The following CHERP variants were observed in gnomAD, a reference collection of about 807,000 sequenced individuals.
The protein encoded by CHERP is calcium homeostasis endoplasmic reticulum protein.
A neutral mutation model predicts 113.8 loss-of-function variants in CHERP; 8 were observed. The ratio of observed to expected loss-of-function variants is 0.07; its 90% CI spans 0.04 to 0.13. The LOEUF (loss-of-function observed/expected upper bound fraction) is 0.13, where lower values mean the gene tolerates loss of function less well. Ranked by LOEUF, CHERP falls within the 10% of genes least tolerant of loss-of-function variation. The pLI, the probability that CHERP is intolerant of heterozygous loss-of-function variation, is 1.00. For synonymous variants in CHERP, 559 were observed against 524.5 expected, an observed-to-expected ratio of 1.07 and a Z score of -0.90; for missense variants, 884 against 1,298.2, an observed-to-expected ratio of 0.68 and a Z score of 4.90.
intron 2 of CHERP, chr19:16,541,650 A>T: frequency 2.0e-6 from 1 of 502,890 alleles, no homozygotes; most frequent in Non-Finnish European, 3.5e-6. Flanking sequence ...TCCAGAGCCC[A>T]GGGGGGAGGA....
Position 16,525,266 on chromosome 19 carries a change from A to G in CHERP, c.1717T>C (p.Tyr573His), listed in dbSNP as rs2085649259. 7.0e-7 allele frequency: 1 copy of G among 1,432,056 alleles called. No individual in the cohort carries two copies. The highest frequency in any genetic ancestry group is 9.2e-7 in the Non-Finnish European group (1 of 1,090,998). 88.7% of individuals were successfully genotyped at this position (1,432,056 alleles called of 1,614,324 possible). ...ERPPYPHRFD[Y>H]PQGDFPAEMG... ...CCGGCAGGGAAGTCCCCCTGGGGGTAGTCGAAGCGGTGGGGATAGGGCGGC... is the reference window on the plus strand; with the variant it reads ...CCGGCAGGGAAGTCCCCCTGGGGGTGGTCGAAGCGGTGGGGATAGGGCGGC... The change falls in exon 10 of 17, where the codon TAC becomes CAC. Residue 573 changes from tyrosine (Y) to histidine (H), a missense_variant. Transcript: ENST00000546361. This position sits in a 1 kb window ranked among gnomAD's most constrained non-coding sequence, Gnocchi z 6.5.
Position 16,530,696 on chromosome 19 carries a change from G to A in CHERP, c.787-22C>T. The A allele has an allele frequency of 6.2e-7, 1 of 1,613,966 alleles. No homozygotes were observed. The highest frequency in any genetic ancestry group is 1.7e-5 in the Admixed American group (1 of 60,032). On this transcript the variant is annotated intron_variant, in intron 6 of 16. Coordinates refer to ENST00000546361, the MANE Select transcript of CHERP (RefSeq NM_006387.6). This position sits in a 1 kb window ranked among gnomAD's most constrained non-coding sequence, Gnocchi z 4.1. ...GGAGCTGGCGGTGGGAGGAGAGAGAGGCCGGGTCAGTGGGGAGGGGAAAGG... is the reference window on the plus strand; with the variant it reads ...GGAGCTGGCGGTGGGAGGAGAGAGAAGCCGGGTCAGTGGGGAGGGGAAAGG...
intron 2 of CHERP, among the ~76,000 whole-genome samples, chr19:16,537,718 G>A (rs1008397454): frequency 4.0e-5 from 6 of 151,456 alleles, no homozygotes; most frequent in African/African-American, 9.7e-5. Context: ...TGTCACCTGC[G>A]TCACCCCAGA....
rs1200050536 is a variant in CHERP at position 16,535,572 on chromosome 19, G to A, written c.264C>T (p.Pro88=). ...PAATMPPLPQ[P]PLAPAAPIPP... is the part of the protein sequence containing the mutation. Reference sequence around the variant, plus strand: ...GGATGGGCGCGGCGGGGGCCAGCGGGGGCTGTGGCAGGGGTGGCATGGTGG... The same window carrying A: ...GGATGGGCGCGGCGGGGGCCAGCGGAGGCTGTGGCAGGGGTGGCATGGTGG... The change falls in exon 3 of 17, where the codon CCC becomes CCT. Residue 88 remains proline, a synonymous_variant. Coordinates refer to ENST00000546361, the MANE Select transcript of CHERP (RefSeq NM_006387.6). The surrounding 1 kb of genome is among the most constrained non-coding windows in gnomAD (Gnocchi z 4.3). 6.4e-7 allele frequency: 1 copy of A among 1,565,130 alleles called. No individual in the cohort carries two copies. The highest frequency in any genetic ancestry group is 1.2e-5 in the South Asian group (1 of 86,168).
chr19:16,520,962 G>C lies in CHERP; in HGVS notation c.2115-50C>G, dbSNP rs759830464. The C allele has an allele frequency of 2.0e-6, 3 of 1,525,330 alleles. No homozygotes were observed. The highest frequency in any genetic ancestry group is 2.7e-6 in the Non-Finnish European group (3 of 1,101,420). The allele number at this position is 1,525,330 out of a possible 1,614,324, so 94.5% of individuals were successfully genotyped here. On this transcript the variant is annotated intron_variant, in intron 12 of 16. Transcript: ENST00000546361. This position sits in a 1 kb window ranked among gnomAD's most constrained non-coding sequence, Gnocchi z 4.0. ...TGACCACGTGACACCCACCCACAAG[G>C]AAGTCGTGAAAAAGTCATCAGGAGT...
Position 16,523,064 on chromosome 19 carries a change from G to A in CHERP, c.1968C>T (p.Ala656=). ...TGTGGGGCATTACCTTCACGAGGGGGGCCATCAGCCCAGCAGGGAGATCGA... is the reference window on the plus strand; with the variant it reads ...TGTGGGGCATTACCTTCACGAGGGGAGCCATCAGCCCAGCAGGGAGATCGA... ...PYFDLPAGLM[A]PLVKLEDHEY... The change falls in exon 11 of 17, where the codon GCC becomes GCT. Residue 656 remains alanine (A), a synonymous_variant. Transcript: ENST00000546361. The surrounding 1 kb of genome is among the most constrained non-coding windows in gnomAD (Gnocchi z 4.0). 2.0e-6 allele frequency: 3 copies of A among 1,513,696 alleles called. No homozygotes were observed. The highest frequency in any genetic ancestry group is 2.6e-6 in the Non-Finnish European group (3 of 1,134,696). 93.8% of individuals were successfully genotyped at this position (1,513,696 alleles called of 1,614,324 possible). A position where few individuals can be genotyped will look rare whatever the true frequency, so the allele number is the denominator to read the frequency against.
Position 16,519,730 on chromosome 19 carries a change from G to A in CHERP, c.2463-15C>T. On this transcript the variant is annotated splice_polypyrimidine_tract_variant and intron_variant, in intron 15 of 16. Coordinates refer to ENST00000546361, the MANE Select transcript of CHERP (RefSeq NM_006387.6). This position sits in a 1 kb window ranked among gnomAD's most constrained non-coding sequence, Gnocchi z 6.0. ...CAGCAGAGGAACTAAAATCGAGACAGGTTATTCTTTTTAAGAAGTAACTGA... is the reference window on the plus strand; with the variant it reads ...CAGCAGAGGAACTAAAATCGAGACAAGTTATTCTTTTTAAGAAGTAACTGA... 6.2e-7 allele frequency: 1 copy of A among 1,601,398 alleles called. No individual in the cohort carries two copies.
chr19:16,518,394 G>A lies in CHERP; in HGVS notation c.*765C>T, dbSNP rs2122233956. 1 of 152,244 alleles carries A rather than the reference G, an allele frequency of 6.6e-6. No homozygotes were observed. The highest frequency in any genetic ancestry group is 2.1e-4 in the South Asian group (1 of 4,826). 9.4% of individuals were successfully genotyped at this position (152,244 alleles called of 1,614,324 possible). On this transcript the variant is annotated 3_prime_UTR_variant, in exon 17 of 17. Coordinates refer to ENST00000546361, the MANE Select transcript of CHERP (RefSeq NM_006387.6). The stretch of plus-strand genomic sequence containing the variant: ...GCAGCGCTCAACCTGAAGTGTCTTA[G>A]GCTGGTTTCCTGTTAGAATCTTGTT...
chr19:16,519,559 T>C lies in CHERP; in HGVS notation c.2557+62A>G, dbSNP rs559131325. The C allele has an allele frequency of 5.2e-5, 76 of 1,448,890 alleles. No individual in the cohort carries two copies. The highest frequency in any genetic ancestry group is 7.2e-5 in the Non-Finnish European group (74 of 1,031,770). 89.8% of individuals were successfully genotyped at this position (1,448,890 alleles called of 1,614,324 possible). ...TGCACTGAGGAAGAGAAAGCGCTGG[T>C]GACTCCCGGGCCCAGCACGCGTGAG... On this transcript the variant is annotated intron_variant, in intron 16 of 16. Transcript: ENST00000546361. The surrounding 1 kb of genome is among the most constrained non-coding windows in gnomAD (Gnocchi z 6.0).
At chr19:16,521,974 C>T (rs1007323432) in intron 11 of CHERP, among the ~76,000 whole-genome samples, 2 of 152,230 alleles carry the variant, frequency 1.3e-5, no homozygotes, top group Admixed American at 1.3e-4. Context: ...GCAGCGGGCC[C>T]CTCACGTCAC....
chr19:16,535,582 A>T lies in CHERP; in HGVS notation c.254T>A (p.Leu85Gln). ...ELEPAATMPP[L>Q]PQPPLAPAAP... ...GGCGGGGGCCAGCGGGGGCTGTGGCAGGGGTGGCATGGTGGCGGCTGGCTC... is the reference window on the plus strand; with the variant it reads ...GGCGGGGGCCAGCGGGGGCTGTGGCTGGGGTGGCATGGTGGCGGCTGGCTC... The change falls in exon 3 of 17, where the codon CTG (leucine) becomes CAG (glutamine). Residue 85 changes from leucine to glutamine, a missense_variant. By Grantham distance (113) the Leu-to-Gln change is moderately radical (BLOSUM62 -2). Around this residue, in one of 8 missense-constraint regions of CHERP, gnomAD observed 109 missense variants for 134.2 expected, o/e 0.81. Coordinates refer to ENST00000546361, the MANE Select transcript of CHERP (RefSeq NM_006387.6). The surrounding 1 kb of genome is among the most constrained non-coding windows in gnomAD (Gnocchi z 4.3). 4 of 1,558,128 alleles carry T rather than the reference A, an allele frequency of 2.6e-6. No homozygotes were observed. Among genetic ancestry groups the T allele is most frequent in the Non-Finnish European group, 3.5e-6 (4 of 1,152,870 alleles).
intron 3 of CHERP, among the ~76,000 whole-genome samples, chr19:16,533,862 G>A (rs543586262): frequency 2.0e-5 from 3 of 152,060 alleles, no homozygotes; most frequent in Admixed American, 1.3e-4. Context: ...TAGAAGAAGA[G>A]GATACACCCA....
rs763326954 is a variant in CHERP, at chr19:16,542,340, G to A, written c.25+14C>T. 19 of 1,414,342 alleles carry A rather than the reference G, an allele frequency of 1.3e-5. No individual in the cohort carries two copies. In the African/African-American group the frequency reaches 1.8e-4, roughly 13 times the overall value. 87.6% of individuals were successfully genotyped at this position (1,414,342 alleles called of 1,614,324 possible). On this transcript the variant is annotated intron_variant, in intron 1 of 16. Transcript: ENST00000546361. ...GGGAGAGAGAAACGGTCTCTCGGCC[G>A]GTTTGGGTCTCACCATCGGGGGGCA...
At chr19:16,527,823 C>T (rs1401813018) in intron 9 of CHERP, among the ~76,000 whole-genome samples, 3 of 152,228 alleles carry the variant, frequency 2.0e-5, no homozygotes, top group Non-Finnish European at 4.4e-5. Context: ...CCCCTGCACT[C>T]GCAGGACAAT....
At position 16,528,236 on chromosome 19, in the gene CHERP, G is replaced by C. The variant is rs750820123; in HGVS notation, c.1149C>G (p.Ile383Met). The C allele has an allele frequency of 2.5e-6, 4 of 1,589,506 alleles. No individual in the cohort carries two copies. The change falls in exon 9 of 17, where the codon ATC (isoleucine) becomes ATG (methionine). Residue 383 changes from isoleucine to methionine, a missense_variant. Physicochemically the swap from Ile to Met is conservative, Grantham distance 10 (BLOSUM62 1). Coordinates refer to ENST00000546361, the MANE Select transcript of CHERP (RefSeq NM_006387.6). ...TTQPDDSKPP[I>M]QMPGSSEYEA... ...CGTACTCTGAAGAGCCAGGCATCTG[G>C]ATGGGAGGCTTGCTGTCATCTAAAT...
chr19:16,542,344 T>C lies in CHERP; in HGVS notation c.25+10A>G. 7.1e-7 allele frequency: 1 copy of C among 1,415,206 alleles called. No individual in the cohort carries two copies. The highest frequency in any genetic ancestry group is 9.3e-7 in the Non-Finnish European group (1 of 1,080,594). 87.7% of individuals were successfully genotyped at this position (1,415,206 alleles called of 1,614,324 possible). ...GAGAGAAACGGTCTCTCGGCCGGTT[T>C]GGGTCTCACCATCGGGGGGCAGCGG... On this transcript the variant is annotated intron_variant, in intron 1 of 16. Coordinates refer to ENST00000546361, the MANE Select transcript of CHERP (RefSeq NM_006387.6).
chr19:16,521,892 C>T (rs1056169767), intron 11 of CHERP, among the ~76,000 whole-genome samples: 5 of 152,220 alleles, frequency 3.3e-5, no homozygotes, highest in African/African-American at 1.2e-4. Context: ...GTTCTCTCTT[C>T]AGAAAATCAC....
Position 16,520,499 on chromosome 19 carries a change from G to A in CHERP, c.2210C>T (p.Ser737Leu), listed in dbSNP as rs778641313. The change falls in exon 14 of 17, where the codon TCG becomes TTG. Residue 737 changes from serine to leucine, a missense_variant. Coordinates refer to ENST00000546361, the MANE Select transcript of CHERP (RefSeq NM_006387.6). This position sits in a 1 kb window ranked among gnomAD's most constrained non-coding sequence, Gnocchi z 4.0. ...ACTCTTGGATCTGCTCCGAGACCTC[G>A]AGGGTCCGCTGTGGGGAGAGGCCTG... ...KGQEKRNSGP[S>L]RSRSRSKSRG... 6.2e-6 allele frequency: 10 copies of A among 1,612,992 alleles called. No individual in the cohort carries two copies. Among genetic ancestry groups the A allele is most frequent in the African/African-American group, 2.7e-5 (2 of 74,914 alleles).
At chr19:16,529,501 TG>T in intron 8 of CHERP, 146 bp downstream of exon 8, 1 of 982,920 alleles carries the variant, frequency 1.0e-6, no homozygotes, top group Non-Finnish European at 1.5e-6. Flanking sequence ...TGCTTGTAAA[TG>T]GATGAAAACC....
Sources: allele counts gnomAD v4.1 joint callset (sites outside exome capture counted in the v4.1 genomes callset), GRCh38; gene constraint gnomAD v4.1.1; regional missense constraint gnomAD v4.1.1; non-coding constraint Gnocchi (gnomAD v3.1); transcripts MANE v1.5; gene names NCBI Gene and HGNC (gene_info 2026-07-23, HGNC 2026-07-21).